FAM13A: variants seen among roughly 807,000 people sequenced by gnomAD.
FAM13A encodes protein FAM13A.
A neutral mutation model predicts 129.6 loss-of-function variants in FAM13A; 76 were observed. That is an observed-to-expected ratio of 0.59 (90% CI 0.49 to 0.71). FAM13A has a LOEUF of 0.71. Ranked by LOEUF, FAM13A falls within the 30% of genes least tolerant of loss-of-function variation. FAM13A has a pLI of 0.00. For missense variants in FAM13A, 1,108 were observed against 1,249.3 expected (o/e 0.89, Z 1.70); for synonymous variants, 443 against 449.9 (o/e 0.98, Z 0.20).
At chr4:88,935,152 C>T (rs1285540390) in intron 5 of FAM13A, among the ~76,000 whole-genome samples, 4 of 152,176 alleles carry the variant, frequency 2.6e-5, no homozygotes, top group Non-Finnish European at 5.9e-5. Flanking sequence ...AGCTACTGAC[C>T]AGAGTCAGCT....
intron 6 of FAM13A, among the ~76,000 whole-genome samples, chr4:88,874,539 A>G (rs1579063424): frequency 6.6e-6 from 1 of 152,314 alleles, no homozygotes; most frequent in African/African-American, 2.4e-5. Flanking sequence ...TCCCATTCAC[A>G]ATTGCTTCAA....
intron 5 of FAM13A, among the ~76,000 whole-genome samples, chr4:88,925,705 A>G (rs1021876141): frequency 6.6e-6 from 1 of 151,408 alleles, no homozygotes; most frequent in African/African-American, 2.4e-5. Flanking sequence ...ATAATAAAAT[A>G]AAAAATAAAT....
chr4:88,745,939 T>G (rs1741238535), intron 19 of FAM13A, among the ~76,000 whole-genome samples: 1 of 152,050 alleles, frequency 6.6e-6, no homozygotes, highest in Admixed American at 6.6e-5. Flanking sequence ...ATTGGGCCTG[T>G]GTCATGTGTC....
intron 6 of FAM13A, among the ~76,000 whole-genome samples, chr4:88,861,086 A>T (rs897367846): frequency 6.6e-6 from 1 of 152,204 alleles, no homozygotes; most frequent in African/African-American, 2.4e-5. Context: ...CCTCATCTGT[A>T]TAATGAAAAA....
chr4:88,736,850 G>A (rs1476411181), intron 21 of FAM13A, among the ~76,000 whole-genome samples: 1 of 152,140 alleles, frequency 6.6e-6, no homozygotes, highest in East Asian at 1.9e-4. Flanking sequence ...GTCATTCACA[G>A]CACCTCATTC....
chr4:88,830,306 C>T (rs1733691296), intron 7 of FAM13A, among the ~76,000 whole-genome samples: 1 of 152,080 alleles, frequency 6.6e-6, no homozygotes, highest in Non-Finnish European at 1.5e-5. Flanking sequence ...TGTAAGGAAG[C>T]TCAAGTATTT....
intron 6 of FAM13A, among the ~76,000 whole-genome samples, chr4:88,859,699 C>G (rs745435723): frequency 6.6e-6 from 1 of 152,148 alleles, no homozygotes; most frequent in Non-Finnish European, 1.5e-5. Flanking sequence ...TAGACCAGGA[C>G]CTCAGCTTAG....
chr4:89,026,134 C>T (rs1486208949), intron 2 of FAM13A, among the ~76,000 whole-genome samples: 1 of 152,146 alleles, frequency 6.6e-6, no homozygotes, highest in Non-Finnish European at 1.5e-5. Flanking sequence ...CCATACAACC[C>T]TACTTAACAG....
intron 6 of FAM13A, among the ~76,000 whole-genome samples, chr4:88,882,206 G>T (rs551991148): frequency 6.6e-6 from 1 of 152,218 alleles, no homozygotes; most frequent in Non-Finnish European, 1.5e-5. Flanking sequence ...CAGGATGAAG[G>T]AAAGAAAATT....
At chr4:88,773,497 G>A (rs185623457) in intron 11 of FAM13A, among the ~76,000 whole-genome samples, 1 of 152,180 alleles carries the variant, frequency 6.6e-6, no homozygotes, top group Admixed American at 6.5e-5. Context: ...AATTTTCTCT[G>A]GACCTAAATC....
intron 5 of FAM13A, among the ~76,000 whole-genome samples, chr4:88,918,577 A>C (rs1179156318): frequency 6.6e-6 from 1 of 152,258 alleles, no homozygotes; most frequent in Non-Finnish European, 1.5e-5. Context: ...AAGTTAGGTA[A>C]GTCCCAAAGT....
intron 1 of FAM13A, among the ~76,000 whole-genome samples, chr4:89,048,332 T>C (rs1327825625): frequency 6.6e-6 from 1 of 152,188 alleles, no homozygotes; most frequent in Admixed American, 6.5e-5. Context: ...ACAACATGAA[T>C]GAACCTCAAA....
At chr4:88,756,351 G>C (rs1228072472) in intron 14 of FAM13A, among the ~76,000 whole-genome samples, 3 of 152,078 alleles carry the variant, frequency 2.0e-5, no homozygotes, top group Non-Finnish European at 4.4e-5. Flanking sequence ...TTGTTTACTT[G>C]ATACTGAGCC....
intron 6 of FAM13A, among the ~76,000 whole-genome samples, chr4:88,880,885 C>G (rs1743449231): frequency 6.6e-6 from 1 of 150,592 alleles, no homozygotes; most frequent in Non-Finnish European, 1.5e-5. Flanking sequence ...CCTTGGGGAC[C>G]TGAATGAGGC....
At chr4:89,048,745 A>G (rs1187641594) in intron 1 of FAM13A, among the ~76,000 whole-genome samples, 1 of 152,164 alleles carries the variant, frequency 6.6e-6, no homozygotes, top group Non-Finnish European at 1.5e-5. Flanking sequence ...TTGCTTTTCA[A>G]TAATTCTAGA....
intron 7 of FAM13A, among the ~76,000 whole-genome samples, chr4:88,808,084 T>C (rs732881): frequency 0.45 from 68,609 of 151,992 alleles, 15,770 homozygotes; most frequent in East Asian, 0.69. Flanking sequence ...AAAATGAGGG[T>C]AAATAAATCA....
rs374376236 is a variant in FAM13A at position 89,013,406 on chromosome 4, T to C, written c.427+7054A>G. ...TCTATCTGAATTATGAAAAAATAAG[T>C]TTATTTTATAGAGGCTATATTGTCT... On this transcript the variant is annotated intron_variant, in intron 3 of 23. Transcript: ENST00000264344. 9.2e-5 allele frequency among the ~76,000 whole-genome samples: 14 copies of C among 151,908 alleles called. No individual in the cohort carries two copies. The East Asian group carries it at 1.7e-3, about 19-fold the overall frequency.
intron 7 of FAM13A, among the ~76,000 whole-genome samples, chr4:88,809,862 G>A (rs1368765460): frequency 6.7e-6 from 1 of 149,066 alleles, no homozygotes; most frequent in Non-Finnish European, 1.5e-5. Context: ...AAAAAGTCCC[G>A]GTGGGCTTTT....
At chr4:88,856,518 C>G (rs1197730437) in intron 6 of FAM13A, among the ~76,000 whole-genome samples, 2 of 151,850 alleles carry the variant, frequency 1.3e-5, no homozygotes, top group African/African-American at 4.8e-5. Context: ...AAACAAAAAA[C>G]CAAAAAACCC....
Sources: allele counts gnomAD v4.1 joint callset (sites outside exome capture counted in the v4.1 genomes callset), GRCh38; gene constraint gnomAD v4.1.1; transcripts MANE v1.5; gene names NCBI Gene and HGNC (gene_info 2026-07-23, HGNC 2026-07-21).